FHDC1: variants seen among roughly 807,000 people sequenced by gnomAD.
FHDC1 encodes FH2 domain containing 1.
FHDC1 carries 25 observed loss-of-function variants against 52.6 expected under a neutral mutation model. The observed-to-expected ratio is 0.48, with a 90% CI of 0.35 to 0.66. FHDC1 has a LOEUF of 0.66. FHDC1 is among the 30% of genes least tolerant of loss of function. FHDC1 has a pLI of 0.01. For missense variants in FHDC1, 1,459 were observed against 1,452.8 expected, an observed-to-expected ratio of 1.00 and a Z score of -0.07; for synonymous variants, 616 against 581.5, an observed-to-expected ratio of 1.06 and a Z score of -0.85.
chr4:152,955,336 T>G (rs1166912598), intron 4 of FHDC1, among the ~76,000 whole-genome samples: 1 of 152,204 alleles, frequency 6.6e-6, no homozygotes, highest in Non-Finnish European at 1.5e-5. Flanking sequence ...GAAAAACAGT[T>G]GTATAAAACC....
chr4:152,943,091 G>A lies in FHDC1; in HGVS notation c.34G>A (p.Asp12Asn). 1 of 1,613,822 alleles carries A rather than the reference G, an allele frequency of 6.2e-7. No individual in the cohort carries two copies. The change falls in exon 2 of 12, where the codon GAT (aspartate) becomes AAT (asparagine). Residue 12 changes from aspartate to asparagine, a missense_variant. Around this residue, in one of 3 missense-constraint regions of FHDC1, gnomAD observed 513 missense variants for 581.5 expected, o/e 0.88. Transcript: ENST00000511601. ...HVMNCVSLVSDKENGNIATAP... is the reference protein window; with the variant it reads ...HVMNCVSLVSNKENGNIATAP... The stretch of plus-strand genomic sequence containing the variant: ...TATGAATTGTGTCTCCTTGGTCAGT[G>A]ATAAAGAAAATGGGAATATTGCCAC...
rs569609750 is a variant in FHDC1, at chr4:152,978,768, C to T, written c.*2045C>T. On this transcript the variant is annotated 3_prime_UTR_variant, in exon 12 of 12. Coordinates refer to ENST00000511601, the MANE Select transcript of FHDC1 (RefSeq NM_001371116.1). The stretch of plus-strand genomic sequence containing the variant: ...GTTTGTGGGGAATCCACGTGGTTGA[C>T]GTTAGAACCTCCCTTCTGCAGACTG... The T allele has an allele frequency of 3.3e-5, 5 of 152,180 alleles. No homozygotes were observed. Among genetic ancestry groups the T allele is most frequent in the Admixed American group, 3.3e-4 (5 of 15,294 alleles). 9.4% of individuals were successfully genotyped at this position (152,180 alleles called of 1,614,324 possible).
chr4:152,922,473 T>TAGAAAA, the FHDC1 span, among the ~76,000 whole-genome samples: 1 of 151,540 alleles, frequency 6.6e-6, no homozygotes, highest in Non-Finnish European at 1.5e-5. Context: ...TTCCAATCAA[T>TAGAAAA]AGAAAAAGAG....
the FHDC1 span, chr4:152,928,093 C>A: frequency 7.2e-6 from 9 of 1,253,810 alleles, no homozygotes; most frequent in South Asian, 9.6e-5. Flanking sequence ...CAGGCCTGTG[C>A]ACCTACTCTG....
chr4:152,926,017 G>A, the FHDC1 span, among the ~76,000 whole-genome samples: 1 of 152,024 alleles, frequency 6.6e-6, no homozygotes, highest in Admixed American at 6.6e-5. Context: ...AAAAACAGAG[G>A]TTTCTCCCCA....
chr4:152,969,513 A>G (rs1740568608), intron 10 of FHDC1, among the ~76,000 whole-genome samples: 2 of 152,210 alleles, frequency 1.3e-5, no homozygotes, highest in African/African-American at 4.8e-5. Flanking sequence ...TGGATGTTTC[A>G]TTCCTCCAAG....
chr4:152,954,203 A>G lies in FHDC1; in HGVS notation c.561-14A>G, dbSNP rs757732384. 1.6e-5 allele frequency: 25 copies of G among 1,607,130 alleles called. No homozygotes were observed. The African/African-American group carries it at 2.5e-4, about 16-fold the overall frequency. On this transcript the variant is annotated splice_polypyrimidine_tract_variant and intron_variant, in intron 3 of 11. Transcript: ENST00000511601. ...GCAAACGTGAAATGGAATGTGATTC[A>G]TTGTCTTTTCAAGGTCTCCTCGGTC...
In FHDC1 at chr4:152,978,085, C is replaced by T. The variant is rs1203971267; in HGVS notation, c.*1362C>T. On this transcript the variant is annotated 3_prime_UTR_variant, in exon 12 of 12. Transcript: ENST00000511601. ...GGCTTCCCTGCAGATGGGTGGCAGC[C>T]CCTGGTAGAATGCTGGATTTCTCTG... 1 of 152,198 alleles carries T rather than the reference C, an allele frequency of 6.6e-6. No individual in the cohort carries two copies. Among genetic ancestry groups the T allele is most frequent in the African/African-American group, 2.4e-5 (1 of 41,440 alleles). 9.4% of individuals were successfully genotyped at this position (152,198 alleles called of 1,614,324 possible).
At chr4:152,960,409 CA>C (rs1440152852) in intron 4 of FHDC1, among the ~76,000 whole-genome samples, 155 bp from the exon 5 acceptor site, 1 of 152,166 alleles carries the variant, frequency 6.6e-6, no homozygotes, top group African/African-American at 2.4e-5. Flanking sequence ...AACCAAATAG[CA>C]GATGGGAGGA....
intron 1 of FHDC1, among the ~76,000 whole-genome samples, chr4:152,936,773 G>C (rs1739393028): frequency 6.6e-6 from 1 of 152,390 alleles, no homozygotes; most frequent in Non-Finnish European, 1.5e-5. Context: ...ACTATTAGTC[G>C]TGGCTAAGAC....
At chr4:152,965,969 C>G (rs1333021600) in intron 9 of FHDC1, among the ~76,000 whole-genome samples, 1 of 152,180 alleles carries the variant, frequency 6.6e-6, no homozygotes. Flanking sequence ...ACATGTCTTT[C>G]CCAAAGTGGG....
At position 152,972,474 on chromosome 4, in the gene FHDC1, C is replaced by T; in HGVS notation, c.1316C>T (p.Thr439Ile). Residue 439 changes from threonine (T) to isoleucine (I), a missense_variant, in exon 11 of 12, where the codon ACC (threonine) becomes ATC (isoleucine). Coordinates refer to ENST00000511601, the MANE Select transcript of FHDC1 (RefSeq NM_001371116.1). ...LIDFFCEDKK[T>I]MKLDECFQIF... is the part of the protein sequence containing the mutation. The stretch of plus-strand genomic sequence containing the variant: ...GATTTTTTCTGTGAAGACAAAAAAA[C>T]CATGAAACTGGATGAATGCTTTCAG... 6.2e-7 allele frequency: 1 copy of T among 1,613,902 alleles called. No homozygotes were observed. Among genetic ancestry groups the T allele is most frequent in the Non-Finnish European group, 8.5e-7 (1 of 1,179,966 alleles).
At chr4:152,941,622 A>G (rs1482515731) in intron 1 of FHDC1, among the ~76,000 whole-genome samples, 1 of 152,236 alleles carries the variant, frequency 6.6e-6, no homozygotes, top group African/African-American at 2.4e-5. Context: ...AAAGCAGTCT[A>G]TTCCTAGAAT....
Position 152,962,733 on chromosome 4 carries a change from G to A in FHDC1, c.851-81G>A, listed in dbSNP as rs1454039431. 2.6e-6 allele frequency: 3 copies of A among 1,171,824 alleles called. No homozygotes were observed. The Admixed American group carries it at 5.3e-5, about 21-fold the overall frequency. The allele number at this position is 1,171,824 out of a possible 1,614,324, so 72.6% of individuals were successfully genotyped here. A position where few individuals can be genotyped will look rare whatever the true frequency, so the allele number is the denominator to read the frequency against. The stretch of plus-strand genomic sequence containing the variant: ...GTCACAGTTTGCTTCAGATACACTT[G>A]AACTTGGATGTGGTAGCTGTCTTTT... On this transcript the variant is annotated intron_variant, in intron 6 of 11. Transcript: ENST00000511601.
intron 11 of FHDC1, 72 bp downstream of exon 11, chr4:152,972,613 G>A: frequency 2.0e-6 from 3 of 1,504,594 alleles, no homozygotes; most frequent in Admixed American, 4.2e-5. Context: ...CTAGTCATCT[G>A]CTCACCACAG....
chr4:152,945,699 C>T (rs757708703), intron 2 of FHDC1, among the ~76,000 whole-genome samples: 4 of 152,144 alleles, frequency 2.6e-5, no homozygotes, highest in Non-Finnish European at 5.9e-5. Flanking sequence ...TCAAGTTATC[C>T]GCCCACCTCG....
At chr4:152,952,288 T>C (rs115314232) in intron 2 of FHDC1, among the ~76,000 whole-genome samples, 249 of 152,346 alleles carry the variant, frequency 1.6e-3, no homozygotes, top group African/African-American at 5.4e-3. Flanking sequence ...CAATCTGCCT[T>C]ATCTTCAGAG....
At chr4:152,914,057 A>G in the FHDC1 span, among the ~76,000 whole-genome samples, 1 of 152,194 alleles carries the variant, frequency 6.6e-6, no homozygotes, top group Non-Finnish European at 1.5e-5. Context: ...AAATTTTTAC[A>G]TTAGCTAAGA....
upstream of FHDC1, among the ~76,000 whole-genome samples, chr4:152,933,903 CAGA>C (rs1739298881): frequency 2.0e-5 from 3 of 152,088 alleles, no homozygotes; most frequent in African/African-American, 7.2e-5. Context: ...TGGGAATCTG[CAGA>C]AGGTTTTGAA....
Sources: allele counts gnomAD v4.1 joint callset (sites outside exome capture counted in the v4.1 genomes callset), GRCh38; gene constraint gnomAD v4.1.1; regional missense constraint gnomAD v4.1.1; transcripts MANE v1.5; gene names NCBI Gene and HGNC (gene_info 2026-07-23, HGNC 2026-07-21).